Variants in RIC8B observed in about 807,000 individuals in gnomAD.
RIC8B encodes the protein RIC8 guanine nucleotide exchange factor B.
Under a neutral mutation model 57.5 loss-of-function variants are expected in RIC8B, and 16 were observed. That is an observed-to-expected ratio of 0.28 (90% confidence interval 0.19 to 0.42). RIC8B has a LOEUF of 0.42. RIC8B is among the 10% of genes least tolerant of loss of function. The probability of loss-of-function intolerance (pLI) is 1.00; values close to 1 mark genes in which losing one functional copy is unlikely to be tolerated. For synonymous variants in RIC8B, 216 were observed against 250.8 expected (o/e 0.86, Z 1.31); for missense variants, 481 against 677.0 (o/e 0.71, Z 3.21).
At chr12:106,787,270 A>G (rs973927745) in intron 2 of RIC8B, among the ~76,000 whole-genome samples, 5 of 152,172 alleles carry the variant, frequency 3.3e-5, no homozygotes, top group Admixed American at 6.5e-5. Flanking sequence ...ATCAACAAAC[A>G]AATTCATTTC....
intron 4 of RIC8B, among the ~76,000 whole-genome samples, chr12:106,839,440 A>G (rs763785371): frequency 6.6e-5 from 10 of 152,246 alleles, no homozygotes; most frequent in Non-Finnish European, 1.5e-4. Context: ...TAAACCAGGC[A>G]CAGGACAAAT....
Position 106,879,214 on chromosome 12 carries a change from A to G in RIC8B, c.1572-6690A>G. The G allele has an allele frequency of 1.0e-6, 1 of 985,846 alleles. No individual in the cohort carries two copies. The highest frequency in any genetic ancestry group is 1.7e-5 in the African/African-American group (1 of 57,372). The allele number at this position is 985,846 out of a possible 1,614,324, so 61.1% of individuals were successfully genotyped here. ...CTTAATTATGTCCTGTTTTTCAACA[A>G]GTACACTTGAATTGAATGTTTTGTT... On this transcript the variant is annotated intron_variant, in intron 9 of 9. Transcript: ENST00000392837. The surrounding 1 kb of genome is among the most constrained non-coding windows in gnomAD (Gnocchi z 4.9).
intron 6 of RIC8B, among the ~76,000 whole-genome samples, chr12:106,850,231 A>T (rs142577819): frequency 2.7e-4 from 41 of 152,330 alleles, no homozygotes; most frequent in African/African-American, 9.6e-4. Flanking sequence ...TCTTCCATGA[A>T]ACTGGCCAAG....
chr12:106,839,840 A>G (rs1282666159), intron 4 of RIC8B, among the ~76,000 whole-genome samples: 4 of 152,054 alleles, frequency 2.6e-5, no homozygotes, highest in Non-Finnish European at 4.4e-5. Context: ...GCATAGTGAG[A>G]CCTTGTCTCT....
chr12:106,838,679 T>C (rs971587942), intron 4 of RIC8B, among the ~76,000 whole-genome samples: 4 of 151,936 alleles, frequency 2.6e-5, no homozygotes, highest in East Asian at 3.9e-4. Flanking sequence ...TATAGACAAG[T>C]AGAATTACAT....
intron 8 of RIC8B, among the ~76,000 whole-genome samples, chr12:106,868,886 G>T (rs1429106306): frequency 1.6e-5 from 2 of 123,514 alleles, no homozygotes; most frequent in African/African-American, 6.3e-5. Flanking sequence ...ACGGAGTCTC[G>T]CTCTGTCACC....
intron 2 of RIC8B, among the ~76,000 whole-genome samples, chr12:106,794,560 CAA>C (rs2044393883): frequency 6.6e-6 from 1 of 151,958 alleles, no homozygotes; most frequent in Non-Finnish European, 1.5e-5. Flanking sequence ...CTCATCATTA[CAA>C]GGGAAGGTCA....
At chr12:106,852,577 A>T (rs1017877506) in intron 7 of RIC8B, among the ~76,000 whole-genome samples, 1 of 152,212 alleles carries the variant, frequency 6.6e-6, no homozygotes, top group Non-Finnish European at 1.5e-5. Flanking sequence ...TTCTATGTAT[A>T]ATCTCATTTA....
chr12:106,858,976 T>C (rs896610925), intron 7 of RIC8B, among the ~76,000 whole-genome samples: 16 of 152,152 alleles, frequency 1.1e-4, no homozygotes, highest in Non-Finnish European at 1.8e-4. Context: ...CTTTCCACCA[T>C]CCCTTTCAGT....
chr12:106,821,803 G>T (rs981486183), intron 3 of RIC8B, among the ~76,000 whole-genome samples: 13 of 151,708 alleles, frequency 8.6e-5, no homozygotes, highest in Non-Finnish European at 1.5e-4. Context: ...GGGCGTTCAG[G>T]TGCGGTGGCT....
chr12:106,873,721 A>G (rs1950545864), intron 9 of RIC8B, among the ~76,000 whole-genome samples: 1 of 152,234 alleles, frequency 6.6e-6, no homozygotes, highest in Non-Finnish European at 1.5e-5. Flanking sequence ...AATACAAGGT[A>G]GAAGGAAATA....
chr12:106,791,554 A>G (rs963351417), intron 2 of RIC8B, among the ~76,000 whole-genome samples: 6 of 152,244 alleles, frequency 3.9e-5, no homozygotes, highest in South Asian at 2.1e-4. Context: ...AGTGAAATAT[A>G]TATAAACACA....
intron 4 of RIC8B, among the ~76,000 whole-genome samples, chr12:106,830,978 G>A (rs2046330456): frequency 6.6e-6 from 1 of 152,186 alleles, no homozygotes. Context: ...GATGAAGAAA[G>A]TCTTCCTTGC....
chr12:106,843,701 A>G, intron 5 of RIC8B, 151 bp from the exon 6 acceptor site: 1 of 554,118 alleles, frequency 1.8e-6, no homozygotes, highest in South Asian at 2.4e-5. Context: ...CAGCCTGGGC[A>G]ACAGAGGGAG....
chr12:106,806,158 G>A (rs2136247332), intron 2 of RIC8B, among the ~76,000 whole-genome samples: 1 of 152,252 alleles, frequency 6.6e-6, no homozygotes, highest in Middle Eastern at 3.4e-3. Flanking sequence ...CGTTGGCCAG[G>A]CTGGCCTCGA....
intron 4 of RIC8B, among the ~76,000 whole-genome samples, chr12:106,831,416 G>A (rs1266909081): frequency 1.3e-5 from 2 of 152,326 alleles, no homozygotes; most frequent in East Asian, 3.9e-4. Context: ...CCCCTGGTCA[G>A]TTCCCACTTT....
chr12:106,881,016 A>G (rs905059256), intron 9 of RIC8B, among the ~76,000 whole-genome samples: 1 of 152,344 alleles, frequency 6.6e-6, no homozygotes, highest in South Asian at 2.1e-4. Flanking sequence ...CAGGAAAATG[A>G]AAGATAATAT....
chr12:106,796,858 A>G (rs2044506438), intron 2 of RIC8B, among the ~76,000 whole-genome samples: 1 of 152,238 alleles, frequency 6.6e-6, no homozygotes, highest in South Asian at 2.1e-4. Context: ...TCAATCTTAA[A>G]ATGGGCAAAT....
intron 8 of RIC8B, among the ~76,000 whole-genome samples, chr12:106,870,268 T>C (rs1393214230): frequency 6.6e-6 from 1 of 152,204 alleles, no homozygotes; most frequent in African/African-American, 2.4e-5. Flanking sequence ...AGATCAAACC[T>C]AATTAAAATT....
Sources: allele counts gnomAD v4.1 joint callset (sites outside exome capture counted in the v4.1 genomes callset), GRCh38; gene constraint gnomAD v4.1.1; non-coding constraint Gnocchi (gnomAD v3.1); transcripts MANE v1.5; gene names NCBI Gene and HGNC (gene_info 2026-07-23, HGNC 2026-07-21).